RTL4: variants seen among roughly 807,000 people sequenced by gnomAD.
RTL4 encodes retrotransposon Gag-like protein 4.
Under a neutral mutation model 5.3 loss-of-function variants are expected in RTL4, and 4 were observed. The observed-to-expected ratio is 0.75, with a 90% CI of 0.37 to 1.72. The LOEUF is 1.72. Among genes scored for constraint, RTL4 ranks in the 40% most tolerant of loss-of-function variants. The pLI is 0.04. For missense variants in RTL4, 260 were observed against 227.1 expected (o/e 1.14, Z -0.93); for synonymous variants, 98 against 87.3 (o/e 1.12, Z -0.68).
At chrX:112,168,157 A>G in the RTL4 span, among the ~76,000 whole-genome samples, 1 of 111,127 alleles carries the variant, frequency 9.0e-6, no homozygotes, top group African/African-American at 3.3e-5. Flanking sequence ...GCACCACTGC[A>G]CTTTGTGTGT....
the RTL4 span, among the ~76,000 whole-genome samples, chrX:112,091,668 T>C: frequency 1.8e-5 from 2 of 111,536 alleles, no homozygotes; most frequent in Middle Eastern, 4.2e-3. Flanking sequence ...ATACAGTCTA[T>C]TCTGGAGCAT....
the RTL4 span, among the ~76,000 whole-genome samples, chrX:112,116,444 G>C: frequency 9.0e-6 from 1 of 110,669 alleles, no homozygotes; most frequent in Non-Finnish European, 1.9e-5. Context: ...AGCGTGGAAG[G>C]GGACCCAAGC....
chrX:112,413,811 T>A, the RTL4 span, among the ~76,000 whole-genome samples: 1 of 110,398 alleles, frequency 9.1e-6, no homozygotes, highest in South Asian at 3.9e-4. Flanking sequence ...AATCAAAAAA[T>A]TTAATTGCAC....
chrX:112,313,486 A>C, the RTL4 span, among the ~76,000 whole-genome samples: 383 of 111,193 alleles, frequency 3.4e-3, 1 homozygote, highest in African/African-American at 0.012. Flanking sequence ...GGAAACTGAG[A>C]GTTACAGAAG....
the RTL4 span, among the ~76,000 whole-genome samples, chrX:112,159,307 A>G: frequency 1.8e-5 from 2 of 112,035 alleles, no homozygotes; most frequent in Non-Finnish European, 3.8e-5. Context: ...TTATTTCAGC[A>G]TCACTGCAAG....
At chrX:112,363,440 C>T in the RTL4 span, among the ~76,000 whole-genome samples, 1 of 110,821 alleles carries the variant, frequency 9.0e-6, no homozygotes, top group African/African-American at 3.3e-5. Context: ...GATAAACTTC[C>T]TGCTTATTCT....
At chrX:112,417,192 C>G in the RTL4 span, among the ~76,000 whole-genome samples, 3 of 111,519 alleles carry the variant, frequency 2.7e-5, no homozygotes, top group Non-Finnish European at 5.6e-5. Context: ...AGGGACATAT[C>G]ATTCAGGTCT....
the RTL4 span, among the ~76,000 whole-genome samples, chrX:112,272,427 G>C: frequency 9.0e-6 from 1 of 111,592 alleles, no homozygotes; most frequent in Non-Finnish European, 1.9e-5. Flanking sequence ...ATGGAGGAGG[G>C]GGAAAGCAAC....
chrX:112,121,280 A>G, the RTL4 span, among the ~76,000 whole-genome samples: 1 of 112,004 alleles, frequency 8.9e-6, no homozygotes, highest in Non-Finnish European at 1.9e-5. Flanking sequence ...TTCTATAAAA[A>G]CTAAGTTGAA....
At chrX:112,409,595 C>T in the RTL4 span, among the ~76,000 whole-genome samples, 1 of 109,651 alleles carries the variant, frequency 9.1e-6, no homozygotes, top group Admixed American at 9.8e-5. Flanking sequence ...ATGGCAGGCA[C>T]CTGTAATCCC....
At chrX:112,391,279 T>G in the RTL4 span, among the ~76,000 whole-genome samples, 3 of 111,796 alleles carry the variant, frequency 2.7e-5, no homozygotes, top group African/African-American at 9.8e-5. Flanking sequence ...CTCGATGATC[T>G]TCATTCCTCT....
chrX:112,248,617 G>A, the RTL4 span, among the ~76,000 whole-genome samples: 1 of 111,989 alleles, frequency 8.9e-6, no homozygotes, highest in Non-Finnish European at 1.9e-5. Context: ...GCCATTTGGA[G>A]AATGAATCCT....
At chrX:112,091,855 A>T in the RTL4 span, among the ~76,000 whole-genome samples, 41 of 111,049 alleles carry the variant, frequency 3.7e-4, no homozygotes, top group Non-Finnish European at 7.0e-4. Flanking sequence ...TTATTGTAGA[A>T]CTGCATATTT....
At chrX:112,215,580 G>A in the RTL4 span, among the ~76,000 whole-genome samples, 4 of 111,914 alleles carry the variant, frequency 3.6e-5, no homozygotes, top group East Asian at 1.1e-3. Context: ...ATTTCATTCA[G>A]TGCTGTCTTC....
At chrX:112,330,568 A>G in the RTL4 span, among the ~76,000 whole-genome samples, 1 of 111,052 alleles carries the variant, frequency 9.0e-6, no homozygotes, top group Admixed American at 9.6e-5. Flanking sequence ...TATCATGAAA[A>G]TGGCCATACT....
At chrX:112,227,501 C>A in the RTL4 span, among the ~76,000 whole-genome samples, 2 of 111,192 alleles carry the variant, frequency 1.8e-5, no homozygotes, top group Non-Finnish European at 3.8e-5. Flanking sequence ...AAGCCTAGGC[C>A]AGGGTACTCC....
chrX:112,333,717 A>G, the RTL4 span, among the ~76,000 whole-genome samples: 1 of 111,611 alleles, frequency 9.0e-6, no homozygotes, highest in African/African-American at 3.3e-5. Context: ...AAATGTTTCT[A>G]TACAAGCATG....
At chrX:112,263,429 A>T in the RTL4 span, among the ~76,000 whole-genome samples, 1 of 111,268 alleles carries the variant, frequency 9.0e-6, no homozygotes, top group African/African-American at 3.3e-5. Flanking sequence ...AAGACTTCAA[A>T]GAAGTCAAAG....
chrX:112,138,211 C>A, the RTL4 span, among the ~76,000 whole-genome samples: 1 of 111,876 alleles, frequency 8.9e-6, no homozygotes, highest in South Asian at 3.7e-4. Flanking sequence ...CTCATAGAAG[C>A]AGAGATTAGA....
Sources: gnomAD v4.1 joint callset for allele counts (sites outside exome capture counted in the v4.1 genomes callset) on GRCh38, gnomAD v4.1.1 for gene constraint, MANE v1.5 for transcripts, NCBI Gene and HGNC (gene_info 2026-07-23, HGNC 2026-07-21) for gene names.